The following CADPS2 variants were observed in gnomAD, a reference collection of about 807,000 sequenced individuals.
The protein encoded by CADPS2 is calcium-dependent secretion activator 2.
A neutral mutation model predicts 172.5 loss-of-function variants in CADPS2; 93 were observed. The ratio of observed to expected loss-of-function variants is 0.54; its 90% CI spans 0.46 to 0.64. The LOEUF (loss-of-function observed/expected upper bound fraction) is 0.64. Among genes scored for constraint, CADPS2 ranks in the 30% least tolerant of loss-of-function variants. The pLI, the probability that CADPS2 is intolerant of heterozygous loss-of-function variation, is 0.00. For synonymous variants in CADPS2, 546 were observed against 555.2 expected (o/e 0.98, Z 0.23); for missense variants, 1,420 against 1,565.9 (o/e 0.91, Z 1.57).
At chr7:122,550,709 G>T (rs752542016) in intron 8 of CADPS2, among the ~76,000 whole-genome samples, 1 of 152,074 alleles carries the variant, frequency 6.6e-6, no homozygotes, top group Non-Finnish European at 1.5e-5. Context: ...TAGCCACTAG[G>T]CTATGCTAAG....
chr7:122,689,710 G>A (rs186998324), intron 2 of CADPS2, among the ~76,000 whole-genome samples: 111 of 152,282 alleles, frequency 7.3e-4, no homozygotes, highest in Non-Finnish European at 1.2e-3. Context: ...AGTCCACTGG[G>A]GCCCAGCCTT....
chr7:122,757,298 G>A (rs1370741014), intron 1 of CADPS2, among the ~76,000 whole-genome samples: 2 of 151,884 alleles, frequency 1.3e-5, no homozygotes, highest in African/African-American at 2.4e-5. Flanking sequence ...GGAGGTGCAC[G>A]CCACCATGAC....
intron 15 of CADPS2, among the ~76,000 whole-genome samples, chr7:122,443,499 C>A (rs2051655968): frequency 6.6e-6 from 1 of 151,862 alleles, no homozygotes; most frequent in South Asian, 2.1e-4. Flanking sequence ...AACCTTATTC[C>A]CATTTTGGCA....
intron 17 of CADPS2, among the ~76,000 whole-genome samples, chr7:122,433,946 A>G (rs964581453): frequency 6.6e-6 from 1 of 152,124 alleles, no homozygotes; most frequent in Admixed American, 6.5e-5. Context: ...TGACCCTTTC[A>G]TATCTCCCAG....
intron 1 of CADPS2, among the ~76,000 whole-genome samples, chr7:122,782,612 GCAACAA>G (rs528094073): frequency 5.9e-5 from 9 of 151,788 alleles, no homozygotes; most frequent in African/African-American, 1.7e-4. Flanking sequence ...CCCTGTCTCA[GCAACAA>G]CAACAACAAC....
intron 9 of CADPS2, among the ~76,000 whole-genome samples, chr7:122,500,570 C>T (rs1047942568): frequency 2.6e-5 from 4 of 152,108 alleles, no homozygotes; most frequent in Non-Finnish European, 5.9e-5. Context: ...TGCAAGTAGG[C>T]ACCCCATTAT....
intron 1 of CADPS2, among the ~76,000 whole-genome samples, chr7:122,817,769 G>T (rs1015133394): frequency 2.0e-5 from 3 of 151,790 alleles, no homozygotes; most frequent in Non-Finnish European, 2.9e-5. Context: ...TTTTCTAGAG[G>T]GGCAATTACC....
chr7:122,362,712 C>A (rs1228885252), intron 25 of CADPS2, among the ~76,000 whole-genome samples: 1 of 152,176 alleles, frequency 6.6e-6, no homozygotes, highest in Non-Finnish European at 1.5e-5. Flanking sequence ...TTAACGAAGA[C>A]TGGTTTTTGT....
intron 19 of CADPS2, among the ~76,000 whole-genome samples, chr7:122,411,729 C>T (rs1484890740): frequency 6.6e-6 from 1 of 152,100 alleles, no homozygotes; most frequent in Non-Finnish European, 1.5e-5. Context: ...GTATCCCCTG[C>T]CCCTGCCACA....
At chr7:122,406,996 T>C (rs1563258547) in intron 20 of CADPS2, among the ~76,000 whole-genome samples, 1 of 152,230 alleles carries the variant, frequency 6.6e-6, no homozygotes, top group Admixed American at 6.5e-5. Context: ...ATTATTAAAT[T>C]GAGAATAAAA....
At chr7:122,702,791 A>G (rs761121836) in intron 2 of CADPS2, 3 of 1,416,602 alleles carry the variant, frequency 2.1e-6, no homozygotes, top group South Asian at 1.4e-5. Flanking sequence ...GAGAAAACAA[A>G]ACAACATCAG....
intron 8 of CADPS2, among the ~76,000 whole-genome samples, chr7:122,520,152 C>T (rs2060669496): frequency 6.6e-6 from 1 of 151,960 alleles, no homozygotes; most frequent in Non-Finnish European, 1.5e-5. Context: ...GGAACAAAAA[C>T]TTTTCTTTAG....
At position 122,480,939 on chromosome 7, in the gene CADPS2, A is replaced by C. The variant is rs938305393; in HGVS notation, c.1853-79T>G. The stretch of plus-strand genomic sequence containing the variant: ...TATATACTTATACAACTAGACATTT[A>C]ATTTTTTATTTTCTCAATTTCTACT... On this transcript the variant is annotated intron_variant, in intron 11 of 29. Transcript: ENST00000449022. The C allele has an allele frequency of 9.9e-6, 11 of 1,106,182 alleles. No individual in the cohort carries two copies. In the African/African-American group the frequency reaches 1.8e-4, roughly 18 times the overall value. The allele number at this position is 1,106,182 out of a possible 1,614,324, so 68.5% of individuals were successfully genotyped here.
At chr7:122,618,068 T>G (rs192610000) in intron 5 of CADPS2, among the ~76,000 whole-genome samples, 14 of 152,146 alleles carry the variant, frequency 9.2e-5, no homozygotes, top group African/African-American at 3.4e-4. Context: ...TCAACTATAT[T>G]CATGCCACTG....
At chr7:122,442,850 TTGC>T (rs2051549883) in intron 15 of CADPS2, among the ~76,000 whole-genome samples, 1 of 152,160 alleles carries the variant, frequency 6.6e-6, no homozygotes. Context: ...TTTCTTAATC[TTGC>T]TGCTACATAC....
At chr7:122,575,275 G>C (rs1209034398) in intron 7 of CADPS2, among the ~76,000 whole-genome samples, 1 of 151,854 alleles carries the variant, frequency 6.6e-6, no homozygotes, top group African/African-American at 2.4e-5. Context: ...CCTAGACTGG[G>C]GGAGAATACC....
In CADPS2 at chr7:122,505,317, A is replaced by G. The variant is rs772216400; in HGVS notation, c.1542+7932T>C. 7.9e-5 allele frequency among the ~76,000 whole-genome samples: 12 copies of G among 152,204 alleles called. 1 individual carries two copies. Among genetic ancestry groups the G allele is most frequent in the Admixed American group, 2.0e-4 (3 of 15,278 alleles). ...CAACTTGAAGTTGCTGTTTTATGCT[A>G]TAAGTATTGTATCTCTAGCTAGCTT... On this transcript the variant is annotated intron_variant, in intron 9 of 29. Transcript: ENST00000449022.
At position 122,319,050 on chromosome 7, in the gene CADPS2, G is replaced by A. The variant is rs1305755913; in HGVS notation, c.*1115C>T. On this transcript the variant is annotated 3_prime_UTR_variant, in exon 30 of 30. Coordinates refer to ENST00000449022, the MANE Select transcript of CADPS2 (RefSeq NM_017954.11). Reference sequence around the variant, plus strand: ...TCAAACCCTAGCAAGAAAATATTTTGAGAGAACCACTAATAATGTGAATTA... The same window carrying A: ...TCAAACCCTAGCAAGAAAATATTTTAAGAGAACCACTAATAATGTGAATTA... The A allele has an allele frequency of 1.3e-5, 2 of 152,046 alleles. No homozygotes were observed. The highest frequency in any genetic ancestry group is 2.9e-5 in the Non-Finnish European group (2 of 68,010). The allele number at this position is 152,046 out of a possible 1,614,324, so 9.4% of individuals were successfully genotyped here. A position where few individuals can be genotyped will look rare whatever the true frequency, so the allele number is the denominator to read the frequency against.
chr7:122,508,445 TTAAG>T lies in CADPS2; in HGVS notation c.1542+4800_1542+4803del, dbSNP rs1391887972. Among the ~76,000 whole-genome samples, 6 of 147,456 alleles carry T rather than the reference TTAAG, an allele frequency of 4.1e-5. No homozygotes were observed. The East Asian group carries it at 5.9e-4, about 14-fold the overall frequency. Reference sequence around the variant, plus strand: ...AGAATCCAGTTATTTATTTATTCATTTAAGTTTTTTTTTTTTTTTTTTTTTTTTT... The same window carrying T: ...AGAATCCAGTTATTTATTTATTCATTTTTTTTTTTTTTTTTTTTTTTTTTT... On this transcript the variant is annotated intron_variant, in intron 9 of 29. Transcript: ENST00000449022.
Sources: allele counts gnomAD v4.1 joint callset (sites outside exome capture counted in the v4.1 genomes callset), GRCh38; gene constraint gnomAD v4.1.1; transcripts MANE v1.5; gene names NCBI Gene and HGNC (gene_info 2026-07-23, HGNC 2026-07-21).